The following AKAP10 variants were observed in gnomAD, a reference collection of about 807,000 sequenced individuals.
The protein encoded by AKAP10 is A-kinase anchoring protein 10.
A neutral mutation model predicts 80.8 loss-of-function variants in AKAP10; 24 were observed. The observed-to-expected ratio is 0.30, with a 90% CI of 0.22 to 0.42. The LOEUF (loss-of-function observed/expected upper bound fraction) is 0.42, where lower values mean the gene tolerates loss of function less well. AKAP10 is among the 10% of genes least tolerant of loss of function. The pLI is 1.00. For missense variants in AKAP10, 661 were observed against 794.9 expected, an observed-to-expected ratio of 0.83 and a Z score of 2.03; for synonymous variants, 291 against 277.7, an observed-to-expected ratio of 1.05 and a Z score of -0.48.
intron 1 of AKAP10, among the ~76,000 whole-genome samples, chr17:19,970,755 C>T (rs1356105101): frequency 1.3e-5 from 2 of 151,684 alleles, no homozygotes; most frequent in East Asian, 1.9e-4. Context: ...CCCGGGAGGC[C>T]GAGATTGCGG....
intron 2 of AKAP10, among the ~76,000 whole-genome samples, chr17:19,963,626 G>A (rs1284787557): frequency 1.3e-5 from 2 of 152,156 alleles, no homozygotes; most frequent in African/African-American, 4.8e-5. Flanking sequence ...CAGGCATGGT[G>A]GCTCATGCCT....
At chr17:19,917,414 G>C (rs2042757525) in intron 12 of AKAP10, among the ~76,000 whole-genome samples, 1 of 152,082 alleles carries the variant, frequency 6.6e-6, no homozygotes, top group Non-Finnish European at 1.5e-5. Context: ...AAGGTCATCT[G>C]GCACTTCCTC....
At chr17:19,927,265 T>A (rs1483355171) in intron 10 of AKAP10, among the ~76,000 whole-genome samples, 3 of 152,142 alleles carry the variant, frequency 2.0e-5, no homozygotes, top group Non-Finnish European at 4.4e-5. Flanking sequence ...GCCCAGGAAG[T>A]TGAGGTGGCA....
intron 14 of AKAP10, among the ~76,000 whole-genome samples, chr17:19,907,246 G>A (rs1202109317): frequency 6.6e-6 from 1 of 151,944 alleles, no homozygotes; most frequent in East Asian, 1.9e-4. Flanking sequence ...TTGAACTACC[G>A]ATCTCAGGTG....
chr17:19,943,019 G>C (rs1597507456), intron 5 of AKAP10, among the ~76,000 whole-genome samples: 1 of 152,042 alleles, frequency 6.6e-6, no homozygotes, highest in African/African-American at 2.4e-5. Context: ...AGCCTTCTGA[G>C]TAGCTGAGAC....
rs138092185 is a variant in AKAP10, at chr17:19,913,880, T to C, written c.1835-3902A>G. Among the ~76,000 whole-genome samples, 989 of 152,244 alleles carry C rather than the reference T, an allele frequency of 6.5e-3. 11 individuals are homozygous for C. Among genetic ancestry groups the C allele is most frequent in the African/African-American group, 0.023 (940 of 41,544 alleles). On this transcript the variant is annotated intron_variant, in intron 12 of 14. Coordinates refer to ENST00000225737, the MANE Select transcript of AKAP10 (RefSeq NM_007202.4). The stretch of plus-strand genomic sequence containing the variant: ...AGTATTAAATAATTCAGTCAATAAA[T>C]ATTTAAGGAGTACTTACCATGTGCT...
At chr17:19,913,701 T>C (rs1365489842) in intron 12 of AKAP10, among the ~76,000 whole-genome samples, 5 of 152,336 alleles carry the variant, frequency 3.3e-5, no homozygotes, top group Admixed American at 3.3e-4. Flanking sequence ...GAGAAGAGAA[T>C]GGCCTCTGTG....
Position 19,941,003 on chromosome 17 carries a change from T to C in AKAP10, c.1069A>G (p.Ser357Gly), listed in dbSNP as rs370727284. Residue 357 changes from serine (S) to glycine (G), a missense_variant, in exon 7 of 15, where the codon AGT becomes GGT. Transcript: ENST00000225737. ...AAATGGTGACTTCGCAGAAACTCAC[T>C]AAAGTGCCTGCACATGGACAAAAGG... is the stretch of plus-strand genomic sequence containing the variant. ...VFSAMEQEHF[S>G]EFLRSHHFCK... is the part of the protein sequence containing the mutation. 12 of 1,600,520 alleles carry C rather than the reference T, an allele frequency of 7.5e-6. No homozygotes were observed. The highest frequency in any genetic ancestry group is 8.5e-6 in the Non-Finnish European group (10 of 1,176,618).
At chr17:19,928,475 T>C (rs1373886506) in intron 10 of AKAP10, among the ~76,000 whole-genome samples, 2 of 152,202 alleles carry the variant, frequency 1.3e-5, no homozygotes, top group African/African-American at 4.8e-5. Context: ...GCTGGTGGGA[T>C]TGCAAAATGG....
intron 10 of AKAP10, among the ~76,000 whole-genome samples, chr17:19,926,878 T>C (rs545115098): frequency 1.3e-5 from 2 of 152,294 alleles, no homozygotes; most frequent in South Asian, 2.1e-4. Flanking sequence ...CCCAGCACTT[T>C]GGGAGGCCAT....
intron 8 of AKAP10, among the ~76,000 whole-genome samples, chr17:19,936,864 C>T (rs1202227942): frequency 6.6e-6 from 1 of 152,122 alleles, no homozygotes; most frequent in East Asian, 1.9e-4. Context: ...AATAAGAACA[C>T]ATCATCATAA....
rs1280333345 is a variant in AKAP10, at chr17:19,968,446, T to G, written c.104A>C (p.Gln35Pro). Residue 35 changes from glutamine to proline, a missense_variant, in exon 2 of 15, where the codon CAA becomes CCA. Coordinates refer to ENST00000225737, the MANE Select transcript of AKAP10 (RefSeq NM_007202.4). ...FFRRKVKGKE[Q>P]EKTSDVKSIK... ...GGACTTCACATCTGAGGTCTTCTCT[T>G]GTTCTTTGCCTTTCACTAGAACATA... The G allele has an allele frequency of 6.2e-7, 1 of 1,613,922 alleles. No homozygotes were observed. The highest frequency in any genetic ancestry group is 8.5e-7 in the Non-Finnish European group (1 of 1,179,858).
At chr17:19,950,752 G>A (rs1033873603) in intron 4 of AKAP10, among the ~76,000 whole-genome samples, 1 of 151,546 alleles carries the variant, frequency 6.6e-6, no homozygotes, top group Non-Finnish European at 1.5e-5. Context: ...AGTGAGGAGC[G>A]TCTCTGCCTA....
At chr17:19,928,161 G>T (rs1372759200) in intron 10 of AKAP10, among the ~76,000 whole-genome samples, 1 of 152,066 alleles carries the variant, frequency 6.6e-6, no homozygotes, top group African/African-American at 2.4e-5. Context: ...GGAGGCGGAG[G>T]TTGCAGTGAG....
intron 4 of AKAP10, among the ~76,000 whole-genome samples, chr17:19,948,642 C>T (rs1343640637): frequency 6.6e-6 from 1 of 151,990 alleles, no homozygotes; most frequent in Non-Finnish European, 1.5e-5. Context: ...AGCCAGACAA[C>T]AGGAAAGGGA....
intron 12 of AKAP10, among the ~76,000 whole-genome samples, chr17:19,914,658 GGAAAA>G (rs1430828647): frequency 6.9e-6 from 1 of 144,550 alleles, no homozygotes; most frequent in African/African-American, 2.5e-5. Context: ...AAAGATAAAA[GGAAAA>G]GAAAAGAAAG....
intron 5 of AKAP10, among the ~76,000 whole-genome samples, chr17:19,946,222 T>TATA (rs1461476145): frequency 1.2e-4 from 4 of 33,958 alleles, no homozygotes; most frequent in Non-Finnish European, 1.6e-4. Context: ...TATATATATT[T>TATA]TATATATATA....
chr17:19,949,817 T>C (rs1367425129), intron 4 of AKAP10, among the ~76,000 whole-genome samples: 2 of 152,148 alleles, frequency 1.3e-5, no homozygotes, highest in East Asian at 3.9e-4. Flanking sequence ...AAATCTTTAT[T>C]ACATTTCTTT....
chr17:19,920,951 T>G (rs569975024), intron 11 of AKAP10, among the ~76,000 whole-genome samples: 3 of 123,526 alleles, frequency 2.4e-5, no homozygotes, highest in Non-Finnish European at 3.3e-5. Flanking sequence ...TCGAGAAACA[T>G]AGAGAATCTT....
Sources: allele counts gnomAD v4.1 joint callset (sites outside exome capture counted in the v4.1 genomes callset), GRCh38; gene constraint gnomAD v4.1.1; transcripts MANE v1.5; gene names NCBI Gene and HGNC (gene_info 2026-07-23, HGNC 2026-07-21).